Variants in PTPRZ1 observed in about 807,000 individuals in gnomAD.
PTPRZ1 encodes the protein protein tyrosine phosphatase receptor type Z1.
A neutral mutation model predicts 214.1 loss-of-function variants in PTPRZ1; 82 were observed. That is an observed-to-expected ratio of 0.38 (90% CI 0.32 to 0.46). The LOEUF (loss-of-function observed/expected upper bound fraction) is 0.46, where lower values mean the gene tolerates loss of function less well. Among genes scored for constraint, PTPRZ1 ranks in the 20% least tolerant of loss-of-function variants. PTPRZ1 has a pLI of 1.00. For missense variants in PTPRZ1, 2,603 were observed against 2,748.7 expected (o/e 0.95, Z 1.19); for synonymous variants, 945 against 987.9 (o/e 0.96, Z 0.81).
intron 1 of PTPRZ1, among the ~76,000 whole-genome samples, chr7:121,927,024 C>T (rs753717387): frequency 6.6e-6 from 1 of 152,066 alleles, no homozygotes; most frequent in East Asian, 1.9e-4. Context: ...TAACTTATTA[C>T]CATGTTGTAA....
intron 6 of PTPRZ1, among the ~76,000 whole-genome samples, chr7:121,982,718 G>A (rs569127907): frequency 4.6e-5 from 7 of 152,018 alleles, no homozygotes; most frequent in Admixed American, 1.3e-4. Context: ...ATTGATCTAC[G>A]TGCAGTGACT....
chr7:121,875,664 G>A (rs1794035166), intron 1 of PTPRZ1, among the ~76,000 whole-genome samples: 1 of 152,200 alleles, frequency 6.6e-6, no homozygotes, highest in South Asian at 2.1e-4. Flanking sequence ...GACTACTTTT[G>A]TATTCCTCAC....
intron 2 of PTPRZ1, 40 bp from the exon 3 acceptor site, chr7:121,967,911 A>G: frequency 7.1e-7 from 1 of 1,405,652 alleles, no homozygotes; most frequent in Non-Finnish European, 9.8e-7. Flanking sequence ...TTTGCATGGT[A>G]ATTTAAGAAA....
At chr7:122,054,111 C>G (rs1792275797) in intron 26 of PTPRZ1, 73 bp downstream of exon 26, 1 of 1,511,744 alleles carries the variant, frequency 6.6e-7, no homozygotes, top group African/African-American at 1.4e-5. Flanking sequence ...AAAAGTCCAG[C>G]ATACAAACAA....
chr7:121,943,381 G>A (rs1035682901), intron 2 of PTPRZ1, among the ~76,000 whole-genome samples: 4 of 152,082 alleles, frequency 2.6e-5, no homozygotes, highest in South Asian at 4.1e-4. Flanking sequence ...TATCGCCCAG[G>A]CTGGAGTGCA....
Position 122,018,416 on chromosome 7 carries a change from A to G in PTPRZ1, c.4844-708A>G, listed in dbSNP as rs73440940. ...TAATCATGTGTCATCTTTTAAAATT[A>G]ACTCAAGGACCAAATTCGGATTTTT... On this transcript the variant is annotated intron_variant, in intron 12 of 29. Coordinates refer to ENST00000393386, the MANE Select transcript of PTPRZ1 (RefSeq NM_002851.3). Among the ~76,000 whole-genome samples, 574 of 152,332 alleles carry G rather than the reference A, an allele frequency of 3.8e-3. 4 individuals carry two copies. Among genetic ancestry groups the G allele is most frequent in the African/African-American group, 0.013 (544 of 41,576 alleles).
chr7:122,020,268 AAAG>A (rs1798976403), intron 13 of PTPRZ1, among the ~76,000 whole-genome samples: 1 of 152,188 alleles, frequency 6.6e-6, no homozygotes, highest in South Asian at 2.1e-4. Flanking sequence ...ATGAATGAAA[AAAG>A]AGTCAGTGAT....
intron 1 of PTPRZ1, among the ~76,000 whole-genome samples, chr7:121,885,894 G>A (rs1794380435): frequency 6.6e-6 from 1 of 152,116 alleles, no homozygotes; most frequent in African/African-American, 2.4e-5. Flanking sequence ...ATTCAGGCAA[G>A]CAAAGATCAA....
Position 122,051,525 on chromosome 7 carries a change from A to G in PTPRZ1, c.6178+4A>G, listed in dbSNP as rs961804660. On this transcript the variant is annotated splice_donor_region_variant and intron_variant, in intron 24 of 29. Transcript: ENST00000393386. ...CGAACTTCTTCTATCATCCCTGGTA[A>G]GTTGTGTTGATCCTTGAAAAAACAA... The G allele has an allele frequency of 6.8e-6, 11 of 1,608,340 alleles. No individual in the cohort carries two copies. The highest frequency in any genetic ancestry group is 1.3e-5 in the African/African-American group (1 of 74,636).
At chr7:122,038,918 CA>C (rs35195230) in intron 19 of PTPRZ1, 29 bp downstream of exon 19, 1 of 1,605,126 alleles carries the variant, frequency 6.2e-7, no homozygotes, top group Non-Finnish European at 8.5e-7. Context: ...ATGTCACCCC[CA>C]AAAAAGTAAT....
rs1018395948 is a variant in PTPRZ1, at chr7:122,054,105, G to T, written c.6381+67G>T. 11 of 1,541,282 alleles carry T rather than the reference G, an allele frequency of 7.1e-6. No homozygotes were observed. In the East Asian group the frequency reaches 1.6e-4, roughly 22 times the overall value. On this transcript the variant is annotated intron_variant, in intron 26 of 29. Transcript: ENST00000393386. The stretch of plus-strand genomic sequence containing the variant: ...AATATCAGGTTACAAACAGCAAAAA[G>T]TCCAGCATACAAACAAGCAAAGTAA...
intron 6 of PTPRZ1, among the ~76,000 whole-genome samples, chr7:121,981,771 G>GGTGT (rs548092126): frequency 1.2e-3 from 185 of 149,224 alleles, no homozygotes; most frequent in Admixed American, 1.9e-3. Flanking sequence ...CATATTTATT[G>GGTGT]GTGTGTGTGT....
At chr7:122,052,074 C>A in intron 25 of PTPRZ1, 135 bp downstream of exon 25, 2 of 627,354 alleles carry the variant, frequency 3.2e-6, no homozygotes, top group Non-Finnish European at 5.4e-6. Context: ...TGACTGCAAG[C>A]CCACAGTCCA....
At chr7:122,018,049 A>G (rs763418909) in intron 12 of PTPRZ1, among the ~76,000 whole-genome samples, 38 of 152,304 alleles carry the variant, frequency 2.5e-4, no homozygotes, top group Middle Eastern at 3.4e-3. Flanking sequence ...AAGTTAAGTG[A>G]AGTTTCTCTG....
chr7:122,057,254 G>A (rs747720376), intron 27 of PTPRZ1, among the ~76,000 whole-genome samples: 1 of 151,864 alleles, frequency 6.6e-6, no homozygotes, highest in Non-Finnish European at 1.5e-5. Context: ...AGGAATGTAT[G>A]AGTGCACTAC....
intron 2 of PTPRZ1, among the ~76,000 whole-genome samples, chr7:121,936,576 T>G (rs1796091011): frequency 1.3e-5 from 2 of 152,274 alleles, no homozygotes; most frequent in African/African-American, 4.8e-5. Context: ...ATGTGCAAAA[T>G]CACATCAGAT....
chr7:122,059,985 A>T (rs1245726264), intron 29 of PTPRZ1, 97 bp downstream of exon 29: 1 of 1,190,788 alleles, frequency 8.4e-7, no homozygotes, highest in East Asian at 2.5e-5. Context: ...AGATCTTATT[A>T]ACTGATAACA....
At chr7:122,041,156 T>C (rs896715942) in intron 21 of PTPRZ1, among the ~76,000 whole-genome samples, 177 bp downstream of exon 21, 9 of 152,238 alleles carry the variant, frequency 5.9e-5, no homozygotes, top group African/African-American at 2.2e-4. Flanking sequence ...AGACTCAGAA[T>C]TGGATTGCTG....
intron 6 of PTPRZ1, among the ~76,000 whole-genome samples, 180 bp from the exon 7 acceptor site, chr7:121,983,483 CAT>C (rs1365702276): frequency 1.3e-5 from 2 of 152,176 alleles, no homozygotes; most frequent in East Asian, 3.8e-4. Flanking sequence ...TGTATAGTGA[CAT>C]GTGTAATACA....
Sources: allele counts gnomAD v4.1 joint callset (sites outside exome capture counted in the v4.1 genomes callset), GRCh38; gene constraint gnomAD v4.1.1; transcripts MANE v1.5; gene names NCBI Gene and HGNC (gene_info 2026-07-23, HGNC 2026-07-21).